PTBP3: variants seen among roughly 807,000 people sequenced by gnomAD.
The protein encoded by PTBP3 is polypyrimidine tract binding protein 3.
Under a neutral mutation model 58.7 loss-of-function variants are expected in PTBP3, and 20 were observed. The observed-to-expected ratio is 0.34, with a 90% CI of 0.24 to 0.50. The LOEUF (loss-of-function observed/expected upper bound fraction) is 0.50. Among genes scored for constraint, PTBP3 ranks in the 20% least tolerant of loss-of-function variants. The probability of loss-of-function intolerance (pLI) is 0.98; values close to 1 mark genes in which losing one functional copy is unlikely to be tolerated. For missense variants in PTBP3, 509 were observed against 637.2 expected, an observed-to-expected ratio of 0.80 and a Z score of 2.17; for synonymous variants, 185 against 219.8, an observed-to-expected ratio of 0.84 and a Z score of 1.40.
chr9:112,375,970 C>T, the PTBP3 span, among the ~76,000 whole-genome samples: 1 of 152,020 alleles, frequency 6.6e-6, no homozygotes, highest in Admixed American at 6.6e-5. Flanking sequence ...TTTATGGTGG[C>T]CTGGCAAAGG....
chr9:112,302,255 T>C lies in PTBP3; in HGVS notation c.-51-4339A>G, dbSNP rs550456481. On this transcript the variant is annotated intron_variant, in intron 1 of 13. Coordinates refer to ENST00000374257, the MANE Select transcript of PTBP3 (RefSeq NM_001163788.4). ...CAAAACTATAAAGGGATACAACAGC[T>C]CAAGGGAAAGGCAAATAAGAAATCT... 5.9e-5 allele frequency among the ~76,000 whole-genome samples: 9 copies of C among 151,856 alleles called. No individual in the cohort carries two copies. In the East Asian group the frequency reaches 1.7e-3, roughly 29 times the overall value.
chr9:112,221,477 T>C lies in PTBP3; in HGVS notation c.*2374A>G, dbSNP rs988518341. 3.0e-6 allele frequency: 3 copies of C among 985,334 alleles called. No individual in the cohort carries two copies. The East Asian group carries it at 3.4e-4, about 112-fold the overall frequency. The allele number at this position is 985,334 out of a possible 1,614,324, so 61.0% of individuals were successfully genotyped here. ...AATTAATAAATTACACAGTAATTCC[T>C]AACTTAAAGTAAATGAAATAATCCA... On this transcript the variant is annotated 3_prime_UTR_variant, in exon 14 of 14. Coordinates refer to ENST00000374257, the MANE Select transcript of PTBP3 (RefSeq NM_001163788.4).
chr9:112,291,973 G>C (rs1050779217), intron 2 of PTBP3, among the ~76,000 whole-genome samples: 1 of 151,972 alleles, frequency 6.6e-6, no homozygotes, highest in Non-Finnish European at 1.5e-5. Context: ...ACGTGATGGG[G>C]GTTAATAATC....
intron 2 of PTBP3, among the ~76,000 whole-genome samples, chr9:112,286,590 T>C (rs1828128414): frequency 1.3e-5 from 2 of 152,198 alleles, no homozygotes; most frequent in Admixed American, 1.3e-4. Context: ...CCTCAAGCTA[T>C]CCTTTGTGGT....
At chr9:112,366,983 C>A in the PTBP3 span, among the ~76,000 whole-genome samples, 5 of 152,124 alleles carry the variant, frequency 3.3e-5, no homozygotes, top group South Asian at 1.0e-3. Flanking sequence ...GACATGGAGT[C>A]AAAGGTGATC....
At chr9:112,236,263 A>T (rs1835434067) in intron 7 of PTBP3, among the ~76,000 whole-genome samples, 2 of 152,314 alleles carry the variant, frequency 1.3e-5, no homozygotes, top group African/African-American at 4.8e-5. Flanking sequence ...AGATTCAAAA[A>T]ATGAGAGTAA....
At position 112,222,052 on chromosome 9, in the gene PTBP3, A is replaced by G; in HGVS notation, c.*1799T>C. On this transcript the variant is annotated 3_prime_UTR_variant, in exon 14 of 14. Coordinates refer to ENST00000374257, the MANE Select transcript of PTBP3 (RefSeq NM_001163788.4). The stretch of plus-strand genomic sequence containing the variant: ...CCTGTAGCCTCCTGCCTACAGGCTC[A>G]GCCTGTAGCTGGGACTACAGGCGCA... 1.0e-6 allele frequency: 1 copy of G among 960,256 alleles called. No individual in the cohort carries two copies. The highest frequency in any genetic ancestry group is 1.8e-5 in the African/African-American group (1 of 56,758). 59.5% of individuals were successfully genotyped at this position (960,256 alleles called of 1,614,324 possible).
chr9:112,361,931 A>T, the PTBP3 span, among the ~76,000 whole-genome samples: 36,992 of 152,034 alleles, frequency 0.24, 4,928 homozygotes, highest in East Asian at 0.36. Context: ...ATTATAGTCA[A>T]CCTAGTGGGT....
At chr9:112,379,850 C>A in the PTBP3 span, 4 of 516,256 alleles carry the variant, frequency 7.7e-6, no homozygotes, top group South Asian at 4.8e-5. Context: ...CGCTAGGCGC[C>A]GACAGGAGCC....
At chr9:112,285,817 T>C (rs1828088178) in intron 2 of PTBP3, among the ~76,000 whole-genome samples, 1 of 152,232 alleles carries the variant, frequency 6.6e-6, no homozygotes, top group African/African-American at 2.4e-5. Context: ...ATGGGATGGA[T>C]TTGGCCCACA....
intron 1 of PTBP3, among the ~76,000 whole-genome samples, chr9:112,326,861 CAT>C (rs1386167625): frequency 6.6e-6 from 1 of 152,146 alleles, no homozygotes; most frequent in East Asian, 1.9e-4. Context: ...GTTCTTAAAA[CAT>C]GTACAGTTAT....
At chr9:112,320,291 A>ATATATATATAT (rs1554805667) in intron 1 of PTBP3, among the ~76,000 whole-genome samples, 1 of 73,568 alleles carries the variant, frequency 1.4e-5, no homozygotes, top group Non-Finnish European at 2.2e-5. Context: ...AAAAAAAAAA[A>ATATATATATAT]ATATATATAT....
At chr9:112,224,534 T>C (rs914800753) in intron 12 of PTBP3, among the ~76,000 whole-genome samples, 2 of 152,336 alleles carry the variant, frequency 1.3e-5, no homozygotes, top group Middle Eastern at 3.4e-3. Context: ...GCTTTAGTAA[T>C]CAACTGTAGT....
At chr9:112,262,404 A>G in intron 5 of PTBP3, 31 bp downstream of exon 5, 1 of 1,511,848 alleles carries the variant, frequency 6.6e-7, no homozygotes, top group East Asian at 2.5e-5. Context: ...TATTTAACTT[A>G]ACTTTCTTAA....
intron 4 of PTBP3, among the ~76,000 whole-genome samples, chr9:112,263,841 A>G (rs1368735119): frequency 1.3e-5 from 2 of 152,210 alleles, no homozygotes; most frequent in African/African-American, 4.8e-5. Context: ...AAGAAGGACC[A>G]GAGTGGCATC....
chr9:112,240,976 C>T (rs1465459017), intron 7 of PTBP3, among the ~76,000 whole-genome samples: 1 of 152,108 alleles, frequency 6.6e-6, no homozygotes, highest in African/African-American at 2.4e-5. Flanking sequence ...ATATTTTCTA[C>T]ACAATGTGCT....
chr9:112,287,342 T>TG (rs1554798739), intron 2 of PTBP3, among the ~76,000 whole-genome samples: 1 of 101,608 alleles, frequency 9.8e-6, no homozygotes, highest in African/African-American at 3.0e-5. Flanking sequence ...CAGTTTTTTG[T>TG]TTTTTTTTTT....
chr9:112,375,086 G>T, the PTBP3 span, among the ~76,000 whole-genome samples: 5 of 152,226 alleles, frequency 3.3e-5, no homozygotes, highest in Non-Finnish European at 5.9e-5. Flanking sequence ...GATGACAGGG[G>T]TGGTTGGGGA....
chr9:112,333,165 C>T (rs928911422), intron 1 of PTBP3: 2 of 1,183,016 alleles, frequency 1.7e-6, no homozygotes, highest in Non-Finnish European at 2.1e-6. Context: ...GCGCGGAGGG[C>T]GGACCTCGGC....
Sources: allele counts gnomAD v4.1 joint callset (sites outside exome capture counted in the v4.1 genomes callset), GRCh38; gene constraint gnomAD v4.1.1; transcripts MANE v1.5; gene names NCBI Gene and HGNC (gene_info 2026-07-23, HGNC 2026-07-21).